The following PTPN21 variants were observed in gnomAD, a reference collection of about 807,000 sequenced individuals.
PTPN21 encodes the protein tyrosine-protein phosphatase non-receptor type 21.
In PTPN21, 77 loss-of-function variants were observed where a neutral mutation model predicts 131.8. That is an observed-to-expected ratio of 0.58 (90% CI 0.49 to 0.71). PTPN21 has a LOEUF of 0.71. PTPN21 is among the 30% of genes least tolerant of loss of function. The pLI is 0.00. For missense variants in PTPN21, 1,552 were observed against 1,527.1 expected (o/e 1.02, Z -0.27); for synonymous variants, 715 against 621.3 (o/e 1.15, Z -2.24).
At chr14:88,518,386 G>GTATATTTA (rs2078327184) in intron 2 of PTPN21, among the ~76,000 whole-genome samples, 1 of 9,708 alleles carries the variant, frequency 1.0e-4, no homozygotes, top group Non-Finnish European at 2.2e-4. Context: ...GTGTGTGTGT[G>GTATATTTA]TATATATATA....
intron 6 of PTPN21, among the ~76,000 whole-genome samples, chr14:88,501,871 G>A (rs2078013828): frequency 6.6e-6 from 1 of 151,960 alleles, no homozygotes; most frequent in South Asian, 2.1e-4. Context: ...TATAGTCCCA[G>A]CAGCTTGGAA....
intron 3 of PTPN21, 130 bp from the exon 4 acceptor site, chr14:88,508,150 G>GTGT: frequency 2.0e-5 from 8 of 398,264 alleles, no homozygotes; most frequent in Non-Finnish European, 3.1e-5. Flanking sequence ...GGTTGTGTGT[G>GTGT]TTTTTTTTTT....
At chr14:88,489,399 G>C (rs531778168) in intron 10 of PTPN21, among the ~76,000 whole-genome samples, 1 of 152,252 alleles carries the variant, frequency 6.6e-6, no homozygotes, top group Admixed American at 6.5e-5. Flanking sequence ...CAGGTACTTA[G>C]GAGGCTGAGA....
Position 88,469,543 on chromosome 14 carries a change from T to G in PTPN21, c.3191A>C (p.Asp1064Ala). The change falls in exon 17 of 19, where the codon GAC becomes GCC. Residue 1064 changes from aspartate (D) to alanine (A), a missense_variant. Asp to Ala is a moderately radical substitution (Grantham distance 126). This residue lies in a region of PTPN21 where 316 missense variants were observed against 378.5 expected (regional missense o/e 0.83). Coordinates refer to ENST00000556564, the MANE Select transcript of PTPN21 (RefSeq NM_007039.4). This position sits in a 1 kb window ranked among gnomAD's most constrained non-coding sequence, Gnocchi z 4.3. The part of the protein sequence containing the change: ...ERTVWHLQYT[D>A]WPEHGCPEDL... ...TTCTGGACAGCCATGTTCAGGCCAG[T>G]CTGTGTATTGGAGGTGCCAGACGGT... 1 of 1,614,124 alleles carries G rather than the reference T, an allele frequency of 6.2e-7. No homozygotes were observed. The highest frequency in any genetic ancestry group is 1.1e-5 in the South Asian group (1 of 91,080).
chr14:88,496,986 T>C (rs1392994656), intron 9 of PTPN21, among the ~76,000 whole-genome samples: 2 of 152,214 alleles, frequency 1.3e-5, no homozygotes, highest in African/African-American at 4.8e-5. Flanking sequence ...CAGACAGTAG[T>C]TATCCAAAGA....
At chr14:88,498,518 C>G (rs545724406) in intron 8 of PTPN21, among the ~76,000 whole-genome samples, 7 of 152,122 alleles carry the variant, frequency 4.6e-5, no homozygotes, top group Non-Finnish European at 1.0e-4. Context: ...ATAAAAGACA[C>G]CTATTATAAC....
intron 2 of PTPN21, among the ~76,000 whole-genome samples, chr14:88,535,830 C>G (rs1341122478): frequency 6.6e-6 from 1 of 152,200 alleles, no homozygotes; most frequent in African/African-American, 2.4e-5. Flanking sequence ...CTGCCTTGGT[C>G]TAGGATATCT....
intron 4 of PTPN21, among the ~76,000 whole-genome samples, chr14:88,506,233 G>T (rs2078085470): frequency 6.6e-6 from 1 of 152,088 alleles, no homozygotes; most frequent in Non-Finnish European, 1.5e-5. Flanking sequence ...ACAGCTACTT[G>T]GGAGGCTCAG....
chr14:88,479,940 G>T lies in PTPN21; in HGVS notation c.1491C>A (p.Arg497=). ...CTGGCGAGGGGAGCTGTGCGTGCTC[G>T]CGGATCTCGGGCTGGCTGTAGACCA... ...AALVYSQPEI[R]EHAQLPSPAA... The change falls in exon 13 of 19, where the codon CGC becomes CGA. Residue 497 remains arginine (R), a synonymous_variant. Coordinates refer to ENST00000556564, the MANE Select transcript of PTPN21 (RefSeq NM_007039.4). The T allele has an allele frequency of 1.2e-6, 2 of 1,606,456 alleles. No individual in the cohort carries two copies. Among genetic ancestry groups the T allele is most frequent in the Non-Finnish European group, 1.7e-6 (2 of 1,179,776 alleles).
intron 2 of PTPN21, among the ~76,000 whole-genome samples, chr14:88,537,752 A>C (rs2078650796): frequency 6.6e-6 from 1 of 152,236 alleles, no homozygotes; most frequent in Admixed American, 6.5e-5. Context: ...GGAATGCATC[A>C]TTAGGCTATT....
At chr14:88,523,120 C>T (rs2078422098) in intron 2 of PTPN21, among the ~76,000 whole-genome samples, 1 of 152,018 alleles carries the variant, frequency 6.6e-6, no homozygotes, top group Non-Finnish European at 1.5e-5. Flanking sequence ...TACCCCAATA[C>T]CAAAGCCAGA....
At chr14:88,497,068 A>G in intron 9 of PTPN21, 135 bp downstream of exon 9, 2 of 817,104 alleles carry the variant, frequency 2.4e-6, no homozygotes, top group South Asian at 3.1e-5. Flanking sequence ...ATATGATAAA[A>G]CTGCATGTTT....
chr14:88,470,131 A>G, intron 15 of PTPN21, 81 bp from the exon 16 acceptor site: 1 of 1,437,348 alleles, frequency 7.0e-7, no homozygotes, highest in Non-Finnish European at 9.4e-7. Flanking sequence ...TGGTAGTACT[A>G]AAAAAGTTTT....
chr14:88,554,925 C>CG lies in PTPN21; in HGVS notation c.-478dup, dbSNP rs1447022957. ...GCCGCACAAAGAAGCCCCGTGGGGG[C>CG]GGGGGGTGGCAGGAGGACGGACAGA... On this transcript the variant is annotated 5_prime_UTR_variant, in exon 1 of 19. Transcript: ENST00000556564. Among the ~76,000 whole-genome samples, 7 of 151,570 alleles carry CG rather than the reference C, an allele frequency of 4.6e-5. No homozygotes were observed. Among genetic ancestry groups the CG allele is most frequent in the Admixed American group, 2.6e-4 (4 of 15,218 alleles).
chr14:88,513,510 T>TGGTA (rs2078216412), intron 3 of PTPN21: 1 of 152,218 alleles, frequency 6.6e-6, no homozygotes, highest in Non-Finnish European at 1.5e-5. Flanking sequence ...CTTTGTGCAG[T>TGGTA]GGTAGTATCA....
intron 1 of PTPN21, chr14:88,552,298 G>C (rs534963149): frequency 7.9e-5 from 12 of 152,246 alleles, no homozygotes; most frequent in Admixed American, 7.2e-4. Flanking sequence ...CTGGAGAAAA[G>C]GGTTCCGCTA....
At chr14:88,546,646 C>T (rs73317755) in intron 2 of PTPN21, among the ~76,000 whole-genome samples, 13,093 of 151,770 alleles carry the variant, frequency 0.086, 923 homozygotes, top group African/African-American at 0.19. Context: ...GGGACTTTTC[C>T]CTCCATTTAT....
chr14:88,478,148 G>A (rs748083734), intron 13 of PTPN21, among the ~76,000 whole-genome samples: 18 of 152,206 alleles, frequency 1.2e-4, no homozygotes, highest in Non-Finnish European at 8.8e-5. Flanking sequence ...TAGAGGAAAT[G>A]CTTGGCCCAT....
At chr14:88,504,061 C>T (rs2078051938) in intron 6 of PTPN21, 2 of 192,052 alleles carry the variant, frequency 1.0e-5, no homozygotes, top group Non-Finnish European at 2.1e-5. Flanking sequence ...TAAAAGAAAA[C>T]AAATCATCCT....
Sources: allele counts gnomAD v4.1 joint callset (sites outside exome capture counted in the v4.1 genomes callset), GRCh38; gene constraint gnomAD v4.1.1; regional missense constraint gnomAD v4.1.1; non-coding constraint Gnocchi (gnomAD v3.1); transcripts MANE v1.5; gene names NCBI Gene and HGNC (gene_info 2026-07-23, HGNC 2026-07-21).